The following PGBD2 variants were observed in gnomAD, a reference collection of about 807,000 sequenced individuals.
PGBD2 encodes the protein piggyBac transposable element-derived protein 2.
PGBD2 carries 6 observed loss-of-function variants against 8.1 expected under a neutral mutation model. The observed-to-expected ratio is 0.74, with a 90% CI of 0.40 to 1.46. The LOEUF (loss-of-function observed/expected upper bound fraction) is 1.46, where lower values mean the gene tolerates loss of function less well. PGBD2 is among the 40% of genes most tolerant of loss of function. PGBD2 has a pLI of 0.02. For synonymous variants in PGBD2, 318 were observed against 272.2 expected (o/e 1.17, Z -1.66); for missense variants, 802 against 739.0 (o/e 1.09, Z -0.99).
chr1:248,910,398 G>T (rs1245373609), intron 1 of PGBD2, among the ~76,000 whole-genome samples: 3 of 152,228 alleles, frequency 2.0e-5, no homozygotes, highest in Admixed American at 6.5e-5. Flanking sequence ...CAGGCCTGTT[G>T]TGTCTGCTTT....
At chr1:248,891,012 C>T in the PGBD2 span, among the ~76,000 whole-genome samples, 1 of 152,116 alleles carries the variant, frequency 6.6e-6, no homozygotes, top group African/African-American at 2.4e-5. Flanking sequence ...ACCCACCACA[C>T]ACCCACAATA....
At chr1:248,897,244 C>T in the PGBD2 span, among the ~76,000 whole-genome samples, 2 of 135,438 alleles carry the variant, frequency 1.5e-5, no homozygotes, top group Non-Finnish European at 1.5e-5. Flanking sequence ...CCTTTGTTCC[C>T]CTCTACCTTT....
the PGBD2 span, among the ~76,000 whole-genome samples, chr1:248,897,557 C>T: frequency 2.0e-5 from 3 of 152,182 alleles, no homozygotes; most frequent in Non-Finnish European, 4.4e-5. Context: ...CCACCAGGGC[C>T]TTGGGTCCCA....
At chr1:248,922,386 A>G (rs566512742), downstream of PGBD2, among the ~76,000 whole-genome samples, 59 of 152,286 alleles carry the variant, frequency 3.9e-4, no homozygotes, top group South Asian at 0.012. Flanking sequence ...TAAATATACA[A>G]TCATGTCATC....
the PGBD2 span, among the ~76,000 whole-genome samples, chr1:248,895,549 A>G: frequency 2.0e-5 from 3 of 150,598 alleles, no homozygotes; most frequent in Admixed American, 2.0e-4. Context: ...CTTGCAGGGT[A>G]TTTTTTTTTC....
intron 1 of PGBD2, among the ~76,000 whole-genome samples, chr1:248,913,029 C>T (rs1198769444): frequency 1.3e-5 from 2 of 151,898 alleles, no homozygotes; most frequent in African/African-American, 4.8e-5. Context: ...CTCGAACTCC[C>T]GACCTCAGGT....
the PGBD2 span, among the ~76,000 whole-genome samples, chr1:248,886,452 T>C: frequency 6.6e-6 from 1 of 152,254 alleles, no homozygotes; most frequent in East Asian, 1.9e-4. Context: ...AGATCATTTG[T>C]ACTCCATCTG....
At chr1:248,893,820 A>G in the PGBD2 span, among the ~76,000 whole-genome samples, 3 of 152,224 alleles carry the variant, frequency 2.0e-5, no homozygotes, top group South Asian at 2.1e-4. Flanking sequence ...ACTCCATTCT[A>G]TTTTCCATAA....
the PGBD2 span, among the ~76,000 whole-genome samples, chr1:248,894,709 T>TTGCTTG: frequency 5.4e-5 from 8 of 148,208 alleles, no homozygotes; most frequent in African/African-American, 2.0e-4. Flanking sequence ...CTCCTTTCTT[T>TTGCTTG]CTTGCTTGCT....
chr1:248,926,402 C>G, the PGBD2 span, among the ~76,000 whole-genome samples: 20 of 152,066 alleles, frequency 1.3e-4, no homozygotes, highest in South Asian at 2.1e-4. Flanking sequence ...GCAGTGTCTC[C>G]TTATGGAAAG....
the PGBD2 span, among the ~76,000 whole-genome samples, chr1:248,876,090 C>G: frequency 6.6e-6 from 1 of 151,544 alleles, no homozygotes; most frequent in South Asian, 2.1e-4. Flanking sequence ...CTCACCGCAA[C>G]CTCCGCCTCC....
At position 248,917,448 on chromosome 1, in the gene PGBD2, G is replaced by C; in HGVS notation, c.864G>C (p.Lys288Asn). The change falls in exon 3 of 3, where the codon AAG (lysine) becomes AAC (asparagine). Residue 288 changes from lysine (K) to asparagine (N), a missense_variant. Physicochemically the swap from Lys to Asn is moderately conservative, Grantham distance 94. Transcript: ENST00000329291. ...HRGSKQLHRG[K>N]PVRLGYKIWC... ...GGTCCAAGCAGCTGCACAGGGGGAA[G>C]CCTGTGCGACTTGGCTACAAGATTT... The C allele has an allele frequency of 2.5e-6, 4 of 1,614,104 alleles. No individual in the cohort carries two copies. The highest frequency in any genetic ancestry group is 3.4e-6 in the Non-Finnish European group (4 of 1,180,024).
upstream of PGBD2, among the ~76,000 whole-genome samples, chr1:248,902,288 T>C (rs1661548865): frequency 1.3e-5 from 2 of 150,776 alleles, no homozygotes; most frequent in African/African-American, 4.9e-5. Context: ...AAAAAACCTA[T>C]AATGAGATAC....
chr1:248,915,468 A>T (rs927674339), intron 2 of PGBD2, among the ~76,000 whole-genome samples: 10 of 152,204 alleles, frequency 6.6e-5, no homozygotes, highest in African/African-American at 2.4e-4. Context: ...CTTTTTTCCC[A>T]ACCATAGGCT....
chr1:248,921,313 T>C (rs1354510983), downstream of PGBD2, among the ~76,000 whole-genome samples: 3 of 152,232 alleles, frequency 2.0e-5, no homozygotes, highest in African/African-American at 7.2e-5. Flanking sequence ...GAGTTGATTT[T>C]TGTATAAGGT....
the PGBD2 span, among the ~76,000 whole-genome samples, chr1:248,891,636 C>T: frequency 1.0e-3 from 153 of 152,226 alleles, 1 homozygote; most frequent in Middle Eastern, 3.4e-3. Flanking sequence ...TCAAGACCAG[C>T]CTGGGTAACA....
the PGBD2 span, among the ~76,000 whole-genome samples, chr1:248,881,867 A>G: frequency 6.6e-6 from 1 of 152,220 alleles, no homozygotes; most frequent in Non-Finnish European, 1.5e-5. Flanking sequence ...TTTAATTTGA[A>G]CTAGGTTAGA....
intron 2 of PGBD2, among the ~76,000 whole-genome samples, chr1:248,915,332 A>G (rs527678498): frequency 2.6e-5 from 4 of 152,258 alleles, no homozygotes; most frequent in Non-Finnish European, 5.9e-5. Flanking sequence ...AAAGCCAGAT[A>G]CATTCTGTAG....
At chr1:248,887,695 T>C in the PGBD2 span, among the ~76,000 whole-genome samples, 3 of 152,158 alleles carry the variant, frequency 2.0e-5, no homozygotes, top group African/African-American at 7.2e-5. Flanking sequence ...TAATTTTAGA[T>C]TCAGGGGGTA....
Sources: gnomAD v4.1 joint callset for allele counts (sites outside exome capture counted in the v4.1 genomes callset) on GRCh38, gnomAD v4.1.1 for gene constraint, MANE v1.5 for transcripts, NCBI Gene and HGNC (gene_info 2026-07-23, HGNC 2026-07-21) for gene names.